The following MYLK variants were observed in gnomAD, a reference collection of about 807,000 sequenced individuals.
MYLK encodes myosin light chain kinase.
A neutral mutation model predicts 203.4 loss-of-function variants in MYLK; 106 were observed. The ratio of observed to expected loss-of-function variants is 0.52; its 90% CI spans 0.45 to 0.61. The LOEUF (loss-of-function observed/expected upper bound fraction) is 0.61, where lower values mean the gene tolerates loss of function less well. MYLK is among the 20% of genes least tolerant of loss of function. The pLI, the probability that MYLK is intolerant of heterozygous loss-of-function variation, is 0.00. For missense variants in MYLK, 2,072 were observed against 2,442.3 expected (o/e 0.85, Z 3.20); for synonymous variants, 867 against 959.5 (o/e 0.90, Z 1.78).
intron 29 of MYLK, among the ~76,000 whole-genome samples, chr3:123,631,048 T>A (rs1213927543): frequency 6.6e-6 from 1 of 152,130 alleles, no homozygotes; most frequent in Non-Finnish European, 1.5e-5. Context: ...TGGCCCCACC[T>A]TTCATGTTGC....
chr3:123,883,588 C>A (rs867764918), intron 1 of MYLK, among the ~76,000 whole-genome samples: 54 of 152,334 alleles, frequency 3.5e-4, no homozygotes, highest in African/African-American at 1.3e-3. Flanking sequence ...CCATTGACAA[C>A]TCACATCTCC....
intron 3 of MYLK, among the ~76,000 whole-genome samples, chr3:123,830,989 G>C (rs1459995675): frequency 6.6e-6 from 1 of 152,170 alleles, no homozygotes; most frequent in Non-Finnish European, 1.5e-5. Context: ...TCACCAAACA[G>C]AGTGCAGGTG....
intron 4 of MYLK, among the ~76,000 whole-genome samples, chr3:123,767,912 T>G (rs963165278): frequency 6.6e-6 from 1 of 152,230 alleles, no homozygotes; most frequent in Non-Finnish European, 1.5e-5. Flanking sequence ...TGGAAGGGTC[T>G]GTAAACTTGT....
intron 3 of MYLK, among the ~76,000 whole-genome samples, chr3:123,823,508 A>G (rs2066006964): frequency 6.6e-6 from 1 of 151,954 alleles, no homozygotes; most frequent in Non-Finnish European, 1.5e-5. Context: ...TCCAATCCAT[A>G]AGCAGCTCTG....
intron 11 of MYLK, among the ~76,000 whole-genome samples, chr3:123,728,582 AAACAACAAC>A (rs60294228): frequency 0.041 from 6,215 of 151,644 alleles, 415 homozygotes; most frequent in African/African-American, 0.14. Flanking sequence ...CCCAAACAAC[AAACAACAAC>A]AACAACAACA....
At chr3:123,771,486 C>T (rs1215482832) in intron 4 of MYLK, among the ~76,000 whole-genome samples, 3 of 152,148 alleles carry the variant, frequency 2.0e-5, no homozygotes, top group African/African-American at 7.2e-5. Flanking sequence ...CTTTGTAATA[C>T]AATCATTTCT....
chr3:123,734,249 G>T, intron 9 of MYLK, 27 bp from the exon 10 acceptor site: 7 of 1,420,510 alleles, frequency 4.9e-6, no homozygotes, highest in Non-Finnish European at 5.6e-6. Context: ...GTGGGGGTAG[G>T]GTGGGTGAGG....
intron 3 of MYLK, among the ~76,000 whole-genome samples, chr3:123,797,979 C>T (rs572088516): frequency 5.9e-5 from 9 of 152,312 alleles, no homozygotes; most frequent in African/African-American, 2.2e-4. Context: ...GACTGGAAAA[C>T]AGTAGCAGGA....
chr3:123,665,417 T>A (rs1263678435), intron 22 of MYLK, among the ~76,000 whole-genome samples: 2 of 152,198 alleles, frequency 1.3e-5, no homozygotes, highest in Non-Finnish European at 2.9e-5. Context: ...AAGGCAAACT[T>A]CTCATTTCCA....
intron 1 of MYLK, among the ~76,000 whole-genome samples, chr3:123,882,433 A>C (rs1210410772): frequency 6.6e-6 from 1 of 152,140 alleles, no homozygotes; most frequent in Non-Finnish European, 1.5e-5. Flanking sequence ...AATAAAAATA[A>C]AAATAAGACA....
intron 13 of MYLK, chr3:123,716,216 A>G (rs2061887897): frequency 6.6e-6 from 1 of 152,186 alleles, no homozygotes; most frequent in African/African-American, 2.4e-5. Flanking sequence ...TCATCAAAGA[A>G]GAGTTACATT....
intron 3 of MYLK, among the ~76,000 whole-genome samples, chr3:123,802,300 G>T (rs1162244665): frequency 6.6e-6 from 1 of 152,194 alleles, no homozygotes; most frequent in African/African-American, 2.4e-5. Flanking sequence ...GTTCCCACAT[G>T]AAAGCAGGCA....
Position 123,732,909 on chromosome 3 carries a change from G to T in MYLK, c.1503C>A (p.Thr501=). 1 of 1,614,082 alleles carries T rather than the reference G, an allele frequency of 6.2e-7. No homozygotes were observed. The highest frequency in any genetic ancestry group is 8.5e-7 in the Non-Finnish European group (1 of 1,179,994). Residue 501 remains threonine (T), a synonymous_variant, in exon 11 of 34, where the codon ACC becomes ACA. Coordinates refer to ENST00000360304, the MANE Select transcript of MYLK (RefSeq NM_053025.4). ...NAQGQLSCSW[T]LQVERLAVME... ...AAGTGTACTCACTTTCCACTTGGAG[G>T]GTCCAGCTACAGGACAGCTGGCCTT...
Position 123,649,201 on chromosome 3 carries a change from G to GT in MYLK, c.4289-8_4289-7insA. On this transcript the variant is annotated splice_polypyrimidine_tract_variant and splice_region_variant and intron_variant, in intron 24 of 33. Transcript: ENST00000360304. ...TCCACTTCATCCTTCGGCTCTGGGG[G>GT]GGGCACAAGGAAGGACAGAGAGGAC... The GT allele has an allele frequency of 6.2e-7, 1 of 1,612,338 alleles. No individual in the cohort carries two copies. Among genetic ancestry groups the GT allele is most frequent in the Non-Finnish European group, 8.5e-7 (1 of 1,179,998 alleles).
intron 23 of MYLK, among the ~76,000 whole-genome samples, chr3:123,657,693 G>A (rs376887382): frequency 1.3e-5 from 2 of 152,298 alleles, no homozygotes; most frequent in Admixed American, 6.5e-5. Flanking sequence ...TGCAAGTCAC[G>A]ATTTCCTGTA....
At chr3:123,741,060 C>A (rs1576808287) in intron 5 of MYLK, among the ~76,000 whole-genome samples, 1 of 152,284 alleles carries the variant, frequency 6.6e-6, no homozygotes, top group South Asian at 2.1e-4. Context: ...TCTTTTGCCG[C>A]AAGCTGGGGA....
At chr3:123,819,528 T>A (rs1314691553) in intron 3 of MYLK, among the ~76,000 whole-genome samples, 1 of 152,202 alleles carries the variant, frequency 6.6e-6, no homozygotes, top group Admixed American at 6.5e-5. Flanking sequence ...GTTAACTCCT[T>A]AACTTGAAAG....
chr3:123,841,842 A>G (rs1265635457), intron 2 of MYLK, among the ~76,000 whole-genome samples: 1 of 152,148 alleles, frequency 6.6e-6, no homozygotes, highest in East Asian at 1.9e-4. Context: ...TAATCAGAAA[A>G]AATCTACTTA....
rs150131843 is a variant in MYLK, at chr3:123,802,494, G to A, written c.-3-8650C>T. On this transcript the variant is annotated intron_variant, in intron 3 of 33. Transcript: ENST00000360304. ...ATCAGCAGAGCAGCAGACCACGGGT[G>A]GGAGGAGCATTTCTGCTCAGCAACA... Among the ~76,000 whole-genome samples the A allele has an allele frequency of 3.5e-3, 531 of 152,374 alleles. 3 individuals carry two copies. Among genetic ancestry groups the A allele is most frequent in the African/African-American group, 0.012 (498 of 41,600 alleles).
Sources: allele counts gnomAD v4.1 joint callset (sites outside exome capture counted in the v4.1 genomes callset), GRCh38; gene constraint gnomAD v4.1.1; transcripts MANE v1.5; gene names NCBI Gene and HGNC (gene_info 2026-07-23, HGNC 2026-07-21).